Variants in STK35 observed in about 807,000 individuals in gnomAD.
STK35 encodes serine/threonine-protein kinase 35.
STK35 carries 17 observed loss-of-function variants against 37.3 expected under a neutral mutation model. The observed-to-expected ratio is 0.46, with a 90% CI of 0.31 to 0.68. STK35 has a LOEUF of 0.68. Among genes scored for constraint, STK35 ranks in the 30% least tolerant of loss-of-function variants. The pLI is 0.05. For synonymous variants in STK35, 385 were observed against 319.1 expected (o/e 1.21, Z -2.20); for missense variants, 595 against 746.7 (o/e 0.80, Z 2.37).
intron 2 of STK35, among the ~76,000 whole-genome samples, chr20:2,110,900 A>G (rs755076259): frequency 6.6e-5 from 10 of 152,194 alleles, no homozygotes; most frequent in African/African-American, 2.2e-4. Flanking sequence ...AATCTAGCCT[A>G]TGGAAACTCA....
At chr20:2,112,465 G>A (rs985592588) in intron 2 of STK35, among the ~76,000 whole-genome samples, 3 of 152,190 alleles carry the variant, frequency 2.0e-5, no homozygotes, top group Non-Finnish European at 2.9e-5. Context: ...GGGAAAGGTA[G>A]TAAAACTGTC....
intron 3 of STK35, among the ~76,000 whole-genome samples, chr20:2,138,660 G>A (rs1986125806): frequency 6.6e-6 from 1 of 152,174 alleles, no homozygotes; most frequent in African/African-American, 2.4e-5. Flanking sequence ...GGGGAGGCAG[G>A]TCCAGGAGGG....
chr20:2,127,155 A>T (rs1282944174), intron 3 of STK35, among the ~76,000 whole-genome samples: 4 of 152,014 alleles, frequency 2.6e-5, no homozygotes, highest in African/African-American at 4.8e-5. Context: ...ATCTATTTTA[A>T]TGGGAAAATC....
At chr20:2,102,610 C>T (rs1985416416) in intron 1 of STK35, among the ~76,000 whole-genome samples, 158 bp from the exon 2 acceptor site, 1 of 152,250 alleles carries the variant, frequency 6.6e-6, no homozygotes, top group Non-Finnish European at 1.5e-5. Context: ...TTCGGTCTTT[C>T]CCGCTTTCCC....
chr20:2,107,043 GA>G (rs564994896), intron 2 of STK35, among the ~76,000 whole-genome samples: 5 of 152,318 alleles, frequency 3.3e-5, no homozygotes, highest in Non-Finnish European at 5.9e-5. Flanking sequence ...TTTTAACTTT[GA>G]AATACTTCTC....
At chr20:2,135,047 G>A (rs1372639249) in intron 3 of STK35, among the ~76,000 whole-genome samples, 4 of 152,178 alleles carry the variant, frequency 2.6e-5, no homozygotes, top group Admixed American at 6.5e-5. Context: ...AAGAAATGAA[G>A]TCTCCAGAGG....
At chr20:2,111,506 G>A (rs558904084) in intron 2 of STK35, among the ~76,000 whole-genome samples, 2 of 152,186 alleles carry the variant, frequency 1.3e-5, no homozygotes, top group South Asian at 2.1e-4. Flanking sequence ...AGACCAGCCC[G>A]GGCAACATAA....
chr20:2,148,410 G>A lies in STK35; in HGVS notation c.*4664G>A, dbSNP rs568532169. ...ATATTTTTTGTACTTGGTTTACTTG[G>A]GTTGGTATGATACATTATATTTAAG... On this transcript the variant is annotated 3_prime_UTR_variant, in exon 4 of 4. Transcript: ENST00000381482. 1 of 152,594 alleles carries A rather than the reference G, an allele frequency of 6.6e-6. No homozygotes were observed. The highest frequency in any genetic ancestry group is 2.4e-5 in the African/African-American group (1 of 41,434). The allele number at this position is 152,594 out of a possible 1,614,324, so 9.5% of individuals were successfully genotyped here. A position where few individuals can be genotyped will look rare whatever the true frequency, so the allele number is the denominator to read the frequency against.
rs762058009 is a variant in STK35 at position 2,102,928 on chromosome 20, G to C, written c.455G>C (p.Arg152Thr). The C allele has an allele frequency of 6.5e-7, 1 of 1,541,350 alleles. No individual in the cohort carries two copies. Among genetic ancestry groups the C allele is most frequent in the South Asian group, 1.2e-5 (1 of 84,718 alleles). Residue 152 changes from arginine (R) to threonine (T), a missense_variant, in exon 2 of 4, where the codon AGG becomes ACG. By Grantham distance (71) the Arg-to-Thr change is moderately conservative. Coordinates refer to ENST00000381482, the MANE Select transcript of STK35 (RefSeq NM_080836.4). ...GGTACACAAAGCCCGGAGCGGAAAA[G>C]GCGAAGCCCAGTGCCGCGGGCGCCC... ...RRGTQSPERK[R>T]RSPVPRAPST... is the part of the protein sequence containing the mutation.
chr20:2,123,691 G>A (rs144986291), intron 3 of STK35, among the ~76,000 whole-genome samples: 101 of 152,352 alleles, frequency 6.6e-4, no homozygotes, highest in African/African-American at 2.2e-3. Flanking sequence ...GTTTGAAACA[G>A]CAAAGTATTC....
In STK35 at chr20:2,117,647, G is replaced by A. The variant is rs1340174719; in HGVS notation, c.*37+232G>A. Among the ~76,000 whole-genome samples, 1 of 152,144 alleles carries A rather than the reference G, an allele frequency of 6.6e-6. No homozygotes were observed. Among genetic ancestry groups the A allele is most frequent in the Non-Finnish European group, 1.5e-5 (1 of 68,040 alleles). On this transcript the variant is annotated intron_variant, in intron 3 of 3. Transcript: ENST00000381482. The surrounding 1 kb of genome is among the most constrained non-coding windows in gnomAD (Gnocchi z 4.4). ...TTTAGTAGAGACGGAGTTTCACCAT[G>A]TTGGCTAGGCTGGTCTCAAACTTCT...
At chr20:2,115,312 GTTTTC>G (rs1985694509) in intron 2 of STK35, among the ~76,000 whole-genome samples, 1 of 152,084 alleles carries the variant, frequency 6.6e-6, no homozygotes, top group African/African-American at 2.4e-5. Flanking sequence ...TAGATCACTC[GTTTTC>G]TTTGTAATAG....
In STK35 at chr20:2,116,766, G is replaced by T; in HGVS notation, c.993G>T (p.Arg331Ser). 6.2e-7 allele frequency: 1 copy of T among 1,614,126 alleles called. No individual in the cohort carries two copies. Among genetic ancestry groups the T allele is most frequent in the Non-Finnish European group, 8.5e-7 (1 of 1,180,034 alleles). Residue 331 changes from arginine (R) to serine (S), a missense_variant, in exon 3 of 4, where the codon AGG becomes AGT. Around this residue, in one of 3 missense-constraint regions of STK35, gnomAD observed 109 missense variants for 280.3 expected, o/e 0.39. Coordinates refer to ENST00000381482, the MANE Select transcript of STK35 (RefSeq NM_080836.4). ...GDLNQYVLSR[R>S]PDPATNKSFM... ...TGAATCAGTATGTCCTGTCCCGGAG[G>T]CCAGACCCAGCCACCAACAAAAGTT...
chr20:2,102,853 TC>T lies in STK35; in HGVS notation c.386del (p.Pro129ArgfsTer36). ...GGGGCCCGGGCAGCGCCGTTGCTGC[TC>T]CCCCCGCCGCCCGCAGCCATGGAAA... Reference protein sequence around the residue: ...AGGARAAPLLLPPPPAAMETG... With the variant: ...AGGARAAPLLXPPPPAAMETG... On this transcript the variant is annotated frameshift_variant, in exon 2 of 4. Coordinates refer to ENST00000381482, the MANE Select transcript of STK35 (RefSeq NM_080836.4). LOFTEE classifies it high-confidence loss of function. The T allele has an allele frequency of 1.4e-5, 21 of 1,542,138 alleles. No individual in the cohort carries two copies. Among genetic ancestry groups the T allele is most frequent in the Admixed American group, 7.6e-5 (4 of 52,294 alleles).
rs1222616114 is a variant in STK35, at chr20:2,146,853, C to T, written c.*3107C>T. 6.6e-6 allele frequency: 1 copy of T among 152,342 alleles called. No homozygotes were observed. The highest frequency in any genetic ancestry group is 1.5e-5 in the Non-Finnish European group (1 of 68,094). 9.4% of individuals were successfully genotyped at this position (152,342 alleles called of 1,614,324 possible). On this transcript the variant is annotated 3_prime_UTR_variant, in exon 4 of 4. Coordinates refer to ENST00000381482, the MANE Select transcript of STK35 (RefSeq NM_080836.4). ...ACACTCTCTGCCTCTTACCTCTAGC[C>T]AGGAGGATGCCTCAGTCTGTTCATT...
intron 3 of STK35, among the ~76,000 whole-genome samples, chr20:2,119,690 AGCT>A (rs1255818228): frequency 6.6e-6 from 1 of 152,240 alleles, no homozygotes; most frequent in Admixed American, 6.5e-5. Context: ...GCTAGAAGTA[AGCT>A]GCTCTTACGT....
At chr20:2,102,729 G>T (rs1313460996) in intron 1 of STK35, 39 bp from the exon 2 acceptor site, 13 of 1,376,338 alleles carry the variant, frequency 9.4e-6, no homozygotes, top group Admixed American at 3.0e-5. Flanking sequence ...TGGCCTCCCC[G>T]CCTTGGCCTG....
Position 2,116,871 on chromosome 20 carries a change from C to G in STK35, c.1098C>G (p.Ile366Met). Residue 366 changes from isoleucine (I) to methionine (M), a missense_variant, in exon 3 of 4, where the codon ATC becomes ATG. Coordinates refer to ENST00000381482, the MANE Select transcript of STK35 (RefSeq NM_080836.4). ...ACAGGGACCTGAAGCCAGACAACAT[C>G]CTCATCACAGAGCGGTCTGGCACCC... is the stretch of plus-strand genomic sequence containing the variant. ...IVHRDLKPDN[I>M]LITERSGTPI... 1 of 1,614,182 alleles carries G rather than the reference C, an allele frequency of 6.2e-7. No individual in the cohort carries two copies. Among genetic ancestry groups the G allele is most frequent in the Non-Finnish European group, 8.5e-7 (1 of 1,180,034 alleles).
Position 2,102,871 on chromosome 20 carries a change from C to A in STK35, c.398C>A (p.Ala133Asp). 6.4e-7 allele frequency: 1 copy of A among 1,563,740 alleles called. No individual in the cohort carries two copies. Among genetic ancestry groups the A allele is most frequent in the Non-Finnish European group, 8.6e-7 (1 of 1,162,956 alleles). The change falls in exon 2 of 4, where the codon GCC becomes GAC. Residue 133 changes from alanine (A) to aspartate (D), a missense_variant. Around this residue, in one of 3 missense-constraint regions of STK35, gnomAD observed 389 missense variants for 320.0 expected, o/e 1.22. Coordinates refer to ENST00000381482, the MANE Select transcript of STK35 (RefSeq NM_080836.4). The part of the protein sequence containing the change: ...APLLLPPPPA[A>D]METGKDGARR... ...TTGCTGCTCCCCCCGCCGCCCGCAGCCATGGAAACGGGGAAGGACGGCGCC... is the reference window on the plus strand; with the variant it reads ...TTGCTGCTCCCCCCGCCGCCCGCAGACATGGAAACGGGGAAGGACGGCGCC...
Sources: allele counts gnomAD v4.1 joint callset (sites outside exome capture counted in the v4.1 genomes callset), GRCh38; gene constraint gnomAD v4.1.1; regional missense constraint gnomAD v4.1.1; non-coding constraint Gnocchi (gnomAD v3.1); transcripts MANE v1.5; gene names NCBI Gene and HGNC (gene_info 2026-07-23, HGNC 2026-07-21).